The following SLC8A1 variants were observed in gnomAD, a reference collection of about 807,000 sequenced individuals.
The protein encoded by SLC8A1 is solute carrier family 8 member A1.
SLC8A1 carries 18 observed loss-of-function variants against 68.3 expected under a neutral mutation model. The ratio of observed to expected loss-of-function variants is 0.26; its 90% CI spans 0.18 to 0.39. The LOEUF is 0.39. Ranked by LOEUF, SLC8A1 falls within the 10% of genes least tolerant of loss-of-function variation. The pLI is 1.00. For missense variants in SLC8A1, 985 were observed against 1,156.7 expected, an observed-to-expected ratio of 0.85 and a Z score of 2.15; for synonymous variants, 475 against 415.5, an observed-to-expected ratio of 1.14 and a Z score of -1.74.
intron 1 of SLC8A1, among the ~76,000 whole-genome samples, chr2:40,435,274 G>A (rs760054507): frequency 6.6e-6 from 1 of 152,120 alleles, no homozygotes; most frequent in Non-Finnish European, 1.5e-5. Context: ...CCACTACCAA[G>A]GCAAGCACTT....
At chr2:40,368,870 C>G (rs1249983014) in intron 2 of SLC8A1, among the ~76,000 whole-genome samples, 2 of 151,984 alleles carry the variant, frequency 1.3e-5, no homozygotes, top group Non-Finnish European at 2.9e-5. Context: ...AATAGAGAAC[C>G]CAGAAATAAG....
chr2:40,509,060 A>T (rs1706540098), intron 1 of SLC8A1, among the ~76,000 whole-genome samples: 1 of 152,194 alleles, frequency 6.6e-6, no homozygotes, highest in African/African-American at 2.4e-5. Flanking sequence ...GTGCCTCTTG[A>T]ATTTGTTTCC....
chr2:40,372,437 C>T (rs1477350334), intron 2 of SLC8A1, among the ~76,000 whole-genome samples: 1 of 152,106 alleles, frequency 6.6e-6, no homozygotes, highest in Non-Finnish European at 1.5e-5. Flanking sequence ...AACTCCTCTC[C>T]CTTTGGGAAA....
At chr2:40,291,502 T>A (rs767780975) in intron 2 of SLC8A1, among the ~76,000 whole-genome samples, 4 of 152,100 alleles carry the variant, frequency 2.6e-5, no homozygotes, top group Non-Finnish European at 5.9e-5. Context: ...CATGATGTGA[T>A]CCGCTCCCAT....
At chr2:40,261,141 G>A (rs2064642779) in intron 2 of SLC8A1, among the ~76,000 whole-genome samples, 1 of 152,134 alleles carries the variant, frequency 6.6e-6, no homozygotes, top group Non-Finnish European at 1.5e-5. Context: ...TAGTAGAAAG[G>A]CAGGTCATTC....
At chr2:40,455,644 C>T (rs1702954528), upstream of SLC8A1, among the ~76,000 whole-genome samples, 4 of 152,152 alleles carry the variant, frequency 2.6e-5, no homozygotes, top group Admixed American at 2.6e-4. Flanking sequence ...ATTGGGTTCC[C>T]AGTTTTGTTC....
exon 8 of SLC8A1, chr2:40,113,879 T>A (rs907049351): frequency 3.3e-5 from 5 of 152,758 alleles, no homozygotes; most frequent in Admixed American, 2.0e-4. Flanking sequence ...TCCATGAAGA[T>A]CTTTGTAGTT....
intron 2 of SLC8A1, among the ~76,000 whole-genome samples, chr2:40,387,024 C>T (rs904748997): frequency 4.0e-5 from 6 of 151,280 alleles, no homozygotes; most frequent in African/African-American, 1.2e-4. Context: ...CTAAAATTCA[C>T]AGAGATCAAA....
intron 2 of SLC8A1, among the ~76,000 whole-genome samples, chr2:40,348,686 T>G (rs1013707419): frequency 6.6e-6 from 1 of 152,060 alleles, no homozygotes; most frequent in Non-Finnish European, 1.5e-5. Context: ...TCAGGGCAGC[T>G]AGTGCTGAAA....
chr2:40,499,918 C>T (rs1705943820), intron 1 of SLC8A1, among the ~76,000 whole-genome samples: 2 of 151,958 alleles, frequency 1.3e-5, no homozygotes, highest in African/African-American at 2.4e-5. Flanking sequence ...AAACTGAAGT[C>T]CATGGAGCCA....
Position 40,341,932 on chromosome 2 carries a change from T to C in SLC8A1, c.1808+86541A>G, listed in dbSNP as rs182624575. 1.3e-4 allele frequency among the ~76,000 whole-genome samples: 20 copies of C among 152,302 alleles called. No individual in the cohort carries two copies. The South Asian group carries it at 3.9e-3, about 30-fold the overall frequency. ...GTATTCTATCTGCCTGGAGTGTGGA[T>C]CCTGCTTAGGATATTAAGAGAAAGT... On this transcript the variant is annotated intron_variant, in intron 2 of 7. Transcript: ENST00000406785.
intron 2 of SLC8A1, among the ~76,000 whole-genome samples, chr2:40,412,823 T>C (rs1045130498): frequency 6.6e-5 from 10 of 152,202 alleles, no homozygotes; most frequent in African/African-American, 2.2e-4. Flanking sequence ...TTGATGGATA[T>C]TTTTGGTATT....
At chr2:40,163,004 G>T (rs148647723) in intron 5 of SLC8A1, among the ~76,000 whole-genome samples, 28 of 152,260 alleles carry the variant, frequency 1.8e-4, no homozygotes, top group African/African-American at 6.0e-4. Flanking sequence ...AGGCTGATAC[G>T]TAAGGGCAGT....
chr2:40,470,141 TAATCCAC>T (rs1376203746), intron 1 of SLC8A1, among the ~76,000 whole-genome samples: 2 of 152,180 alleles, frequency 1.3e-5, no homozygotes, highest in African/African-American at 4.8e-5. Context: ...TCTCTGGAAC[TAATCCAC>T]ATTTTAATGT....
At chr2:40,234,818 G>A (rs2060153172) in intron 2 of SLC8A1, among the ~76,000 whole-genome samples, 1 of 152,228 alleles carries the variant, frequency 6.6e-6, no homozygotes, top group Admixed American at 6.5e-5. Flanking sequence ...AAGGGTTGTT[G>A]AATTTTGTCA....
chr2:40,422,084 C>A (rs1055223328), intron 2 of SLC8A1, among the ~76,000 whole-genome samples: 3 of 152,030 alleles, frequency 2.0e-5, no homozygotes, highest in African/African-American at 7.2e-5. Flanking sequence ...GGACCCTCAG[C>A]GGGCTCACCC....
intron 7 of SLC8A1, among the ~76,000 whole-genome samples, chr2:40,138,499 A>C (rs1350621172): frequency 6.6e-6 from 1 of 152,166 alleles, no homozygotes; most frequent in Non-Finnish European, 1.5e-5. Flanking sequence ...CTCAAAGTAA[A>C]GGCTATATAT....
intron 6 of SLC8A1, among the ~76,000 whole-genome samples, chr2:40,158,904 T>A (rs1173127455): frequency 2.6e-5 from 4 of 152,222 alleles, no homozygotes; most frequent in Admixed American, 1.3e-4. Context: ...TGTTTCTCTG[T>A]ATACCTATTC....
chr2:40,139,791 G>A lies in SLC8A1; in HGVS notation c.2162-115C>T, dbSNP rs1573029020. 12 of 1,042,146 alleles carry A rather than the reference G, an allele frequency of 1.2e-5. No individual in the cohort carries two copies. In the East Asian group the frequency reaches 2.6e-4, roughly 23 times the overall value. The allele number at this position is 1,042,146 out of a possible 1,614,324, so 64.6% of individuals were successfully genotyped here. ...CCTCCACTCTGTGACAGGAGGCCAT[G>A]AGAGGTGGGTGAAGTTTAGGGTTTT... On this transcript the variant is annotated intron_variant, in intron 6 of 7. Coordinates refer to ENST00000406785, the Ensembl canonical transcript of SLC8A1.
Sources: allele counts gnomAD v4.1 joint callset (sites outside exome capture counted in the v4.1 genomes callset), GRCh38; gene constraint gnomAD v4.1.1; transcripts MANE v1.5; gene names NCBI Gene and HGNC (gene_info 2026-07-23, HGNC 2026-07-21).